Variants in ZNF430 observed in about 807,000 individuals in gnomAD.
ZNF430 encodes the protein zinc finger protein 430.
A neutral mutation model predicts 56.7 loss-of-function variants in ZNF430; 35 were observed. The observed-to-expected ratio is 0.62, with a 90% CI of 0.47 to 0.82. The LOEUF is 0.82. Ranked by LOEUF, ZNF430 falls within the 40% of genes least tolerant of loss-of-function variation. The pLI is 0.00. For synonymous variants in ZNF430, 212 were observed against 224.3 expected (o/e 0.94, Z 0.49); for missense variants, 574 against 661.0 (o/e 0.87, Z 1.44).
chr19:21,045,683 C>G (rs1001134352), intron 4 of ZNF430, among the ~76,000 whole-genome samples: 11 of 152,172 alleles, frequency 7.2e-5, no homozygotes, highest in African/African-American at 2.7e-4. Flanking sequence ...AAGTCTCCCA[C>G]TATTATTGTG....
chr19:21,031,135 C>G (rs73014838), intron 2 of ZNF430, among the ~76,000 whole-genome samples: 1 of 152,088 alleles, frequency 6.6e-6, no homozygotes, highest in Non-Finnish European at 1.5e-5. Flanking sequence ...CCATGTGCCT[C>G]GGCCTCCTAA....
rs779852785 is a variant in ZNF430, at chr19:21,056,780, C to T, written c.472C>T (p.His158Tyr). The T allele has an allele frequency of 3.1e-6, 5 of 1,613,886 alleles. No homozygotes were observed. The South Asian group carries it at 4.4e-5, about 14-fold the overall frequency. ...GCKSVDECNL[H>Y]KECYDELNQC... is the part of the protein sequence containing the mutation. The stretch of plus-strand genomic sequence containing the variant: ...TAAAAGTGTGGATGAGTGTAATCTG[C>T]ACAAAGAATGTTATGATGAACTAAA... The change falls in exon 5 of 5, where the codon CAC (histidine) becomes TAC (tyrosine). Residue 158 changes from histidine to tyrosine, a missense_variant. Physicochemically the swap from His to Tyr is moderately conservative, Grantham distance 83. Around this residue, in one of 3 missense-constraint regions of ZNF430, gnomAD observed 346 missense variants for 399.1 expected, o/e 0.87. Transcript: ENST00000261560.
At chr19:21,029,828 G>A (rs1967868717) in intron 2 of ZNF430, among the ~76,000 whole-genome samples, 1 of 152,152 alleles carries the variant, frequency 6.6e-6, no homozygotes, top group Non-Finnish European at 1.5e-5. Context: ...AGCCGGGCGT[G>A]GTGGCACATG....
At chr19:21,034,316 T>C (rs932722386) in intron 4 of ZNF430, 132 bp downstream of exon 4, 3 of 702,156 alleles carry the variant, frequency 4.3e-6, no homozygotes, top group African/African-American at 1.8e-5. Flanking sequence ...TTTTTTTTTT[T>C]AATTTTGCCC....
chr19:21,039,447 C>CTGTTTATTTATT (rs1968062540), intron 4 of ZNF430, among the ~76,000 whole-genome samples: 1 of 129,042 alleles, frequency 7.7e-6, no homozygotes, highest in East Asian at 2.3e-4. Context: ...TTTACTTTTG[C>CTGTTTATTTATT]TATTTATTTA....
In ZNF430 at chr19:21,047,198, C is replaced by T. The variant is rs115214069; in HGVS notation, c.323-9433C>T. Among the ~76,000 whole-genome samples, 279 of 152,144 alleles carry T rather than the reference C, an allele frequency of 1.8e-3. 1 individual carries two copies. The highest frequency in any genetic ancestry group is 6.1e-3 in the African/African-American group (255 of 41,510). ...TCAGTTCCATCAGGTCATTTATGTT[C>T]CTCTCTAAATTGGTTGTTTTGGTTA... On this transcript the variant is annotated intron_variant, in intron 4 of 4. Coordinates refer to ENST00000261560, the MANE Select transcript of ZNF430 (RefSeq NM_025189.4).
chr19:21,052,208 A>C (rs1415211363), intron 4 of ZNF430, among the ~76,000 whole-genome samples: 2 of 152,146 alleles, frequency 1.3e-5, no homozygotes, highest in Non-Finnish European at 2.9e-5. Context: ...AATTAAAAAA[A>C]TTTGTTAAGA....
Position 21,056,803 on chromosome 19 carries a change from A to G in ZNF430, c.495A>G (p.Leu165=). 6.2e-7 allele frequency: 1 copy of G among 1,614,002 alleles called. No homozygotes were observed. The highest frequency in any genetic ancestry group is 1.1e-5 in the South Asian group (1 of 91,036). Residue 165 remains leucine, a synonymous_variant, in exon 5 of 5, where the codon CTA becomes CTG. Coordinates refer to ENST00000261560, the MANE Select transcript of ZNF430 (RefSeq NM_025189.4). ...TGCACAAAGAATGTTATGATGAACTAAACCAGTGTTTGACAACTACCCAGA... is the reference window on the plus strand; with the variant it reads ...TGCACAAAGAATGTTATGATGAACTGAACCAGTGTTTGACAACTACCCAGA... ...CNLHKECYDE[L]NQCLTTTQSE... is the part of the protein sequence containing the mutation.
At chr19:21,048,337 C>T (rs1020496343) in intron 4 of ZNF430, among the ~76,000 whole-genome samples, 43 of 148,572 alleles carry the variant, frequency 2.9e-4, no homozygotes, top group Admixed American at 1.1e-3. Context: ...TGCGGCCTTC[C>T]GCAGTGTTTG....
chr19:21,026,919 T>C (rs1203176567), intron 2 of ZNF430, among the ~76,000 whole-genome samples: 1 of 128,642 alleles, frequency 7.8e-6, no homozygotes, highest in African/African-American at 2.9e-5. Flanking sequence ...AACCTCCGCC[T>C]CCCAGGTTGA....
chr19:21,025,172 A>G lies in ZNF430; in HGVS notation c.96+2291A>G, dbSNP rs1967769273. 2.6e-5 allele frequency among the ~76,000 whole-genome samples: 4 copies of G among 152,356 alleles called. No homozygotes were observed. In the South Asian group the frequency reaches 8.3e-4, roughly 32 times the overall value. Reference sequence around the variant, plus strand: ...GAATGGCTTACTCTATAGGCAGAGCAGCCCTGAGGGCTGCTGGTTGCCCAT... The same window carrying G: ...GAATGGCTTACTCTATAGGCAGAGCGGCCCTGAGGGCTGCTGGTTGCCCAT... On this transcript the variant is annotated intron_variant, in intron 2 of 4. Coordinates refer to ENST00000261560, the MANE Select transcript of ZNF430 (RefSeq NM_025189.4).
chr19:21,037,111 C>CTT (rs990607702), intron 4 of ZNF430, among the ~76,000 whole-genome samples: 72 of 130,796 alleles, frequency 5.5e-4, no homozygotes, highest in African/African-American at 7.3e-4. Flanking sequence ...ACAAGATTTT[C>CTT]TTTTTTTTTT....
chr19:21,035,537 A>G (rs370856857), intron 4 of ZNF430: 62 of 213,950 alleles, frequency 2.9e-4, no homozygotes, highest in African/African-American at 6.9e-4. Flanking sequence ...ATTCTGCCAC[A>G]TACTTCCAGT....
intron 4 of ZNF430, among the ~76,000 whole-genome samples, chr19:21,042,370 C>T (rs946073903): frequency 6.6e-6 from 1 of 152,112 alleles, no homozygotes; most frequent in African/African-American, 2.4e-5. Flanking sequence ...TTTCTAGGTC[C>T]TTGAGGAATT....
At chr19:21,056,505 A>C in intron 4 of ZNF430, 126 bp from the exon 5 acceptor site, 1 of 585,882 alleles carries the variant, frequency 1.7e-6, no homozygotes, top group Non-Finnish European at 2.7e-6. Context: ...AAAAAAAATT[A>C]GGGCCTTTAT....
chr19:21,050,256 C>T (rs1968262280), intron 4 of ZNF430, among the ~76,000 whole-genome samples: 2 of 152,012 alleles, frequency 1.3e-5, no homozygotes, highest in South Asian at 4.2e-4. Context: ...GTTTTACATT[C>T]CATATTTTTC....
chr19:21,058,261 A>G lies in ZNF430; in HGVS notation c.*240A>G, dbSNP rs1161117962. 2.1e-6 allele frequency: 1 copy of G among 473,374 alleles called. No homozygotes were observed. The highest frequency in any genetic ancestry group is 3.8e-6 in the Non-Finnish European group (1 of 265,898). The allele number at this position is 473,374 out of a possible 1,614,324, so 29.3% of individuals were successfully genotyped here. ...GGAGTTCGAGACCAGCCTGACCAAC[A>G]TGGTGAAATCCTGTCTCTACTAAAA... On this transcript the variant is annotated 3_prime_UTR_variant, in exon 5 of 5. Transcript: ENST00000261560.
In ZNF430 at chr19:21,058,092, C is replaced by G. The variant is rs780897896; in HGVS notation, c.*71C>G. 1.5e-6 allele frequency: 2 copies of G among 1,378,460 alleles called. No individual in the cohort carries two copies. Among genetic ancestry groups the G allele is most frequent in the South Asian group, 2.7e-5 (2 of 73,746 alleles). 85.4% of individuals were successfully genotyped at this position (1,378,460 alleles called of 1,614,324 possible). A position where few individuals can be genotyped will look rare whatever the true frequency, so the allele number is the denominator to read the frequency against. ...TAAGAACATTCATACTGAAGAGGAACCCTATGAGTGTGAAGAATATGGCAA... is the reference window on the plus strand; with the variant it reads ...TAAGAACATTCATACTGAAGAGGAAGCCTATGAGTGTGAAGAATATGGCAA... On this transcript the variant is annotated 3_prime_UTR_variant, in exon 5 of 5. Transcript: ENST00000261560.
intron 2 of ZNF430, among the ~76,000 whole-genome samples, chr19:21,029,953 G>A (rs1040426362): frequency 6.7e-6 from 1 of 149,430 alleles, no homozygotes; most frequent in Non-Finnish European, 1.5e-5. Context: ...GACAGAGCGA[G>A]ACTCCATCTA....
Sources: gnomAD v4.1 joint callset for allele counts (sites outside exome capture counted in the v4.1 genomes callset) on GRCh38, gnomAD v4.1.1 for gene constraint, gnomAD v4.1.1 regional missense constraint, MANE v1.5 for transcripts, NCBI Gene and HGNC (gene_info 2026-07-23, HGNC 2026-07-21) for gene names.